PTH1R: variants seen among roughly 807,000 people sequenced by gnomAD.
PTH1R encodes the protein parathyroid hormone/parathyroid hormone-related peptide receptor.
PTH1R carries 32 observed loss-of-function variants against 70.7 expected under a neutral mutation model. The observed-to-expected ratio is 0.45, with a 90% CI of 0.34 to 0.61. PTH1R has a LOEUF of 0.61. Ranked by LOEUF, PTH1R falls within the 20% of genes least tolerant of loss-of-function variation. PTH1R has a pLI of 0.01. For synonymous variants in PTH1R, 329 were observed against 324.8 expected (o/e 1.01, Z -0.14); for missense variants, 626 against 792.5 (o/e 0.79, Z 2.52).
rs150575500 is a variant in PTH1R, at chr3:46,901,525, C to T, written c.1116+45C>T. On this transcript the variant is annotated intron_variant, in intron 12 of 15. Transcript: ENST00000449590. The surrounding 1 kb of genome is among the most constrained non-coding windows in gnomAD (Gnocchi z 7.3). ...TGGCCACAGGGGTGGGTGGGATGTG[C>T]GCCTGCGTCCCCTGGAACCAGCCCC... The T allele has an allele frequency of 4.3e-5, 66 of 1,547,832 alleles. No homozygotes were observed. In the East Asian group the frequency reaches 7.3e-4, roughly 17 times the overall value.
chr3:46,894,109 G>C (rs2031595456), intron 4 of PTH1R, 100 bp downstream of exon 4: 1 of 1,282,990 alleles, frequency 7.8e-7, no homozygotes, highest in Non-Finnish European at 1.1e-6. Flanking sequence ...GGCTCTCTGT[G>C]GGGGCGGACT....
In PTH1R at chr3:46,896,223, G is replaced by GTGACA. The variant is rs551128974; in HGVS notation, c.313+354_313+355insTGACA. ...GACAGATAGTGACAGAGAAAGACGGGGAGAGGCATGGAGACAGAGATCAAC... is the reference window on the plus strand; with the variant it reads ...GACAGATAGTGACAGAGAAAGACGGGTGACAGAGAGGCATGGAGACAGAGATCAAC... On this transcript the variant is annotated intron_variant, in intron 5 of 15. Coordinates refer to ENST00000449590, the MANE Select transcript of PTH1R (RefSeq NM_000316.3). This position sits in a 1 kb window ranked among gnomAD's most constrained non-coding sequence, Gnocchi z 4.1. Among the ~76,000 whole-genome samples, 110 of 152,198 alleles carry GTGACA rather than the reference G, an allele frequency of 7.2e-4. 1 individual carries two copies. In the East Asian group the frequency reaches 0.02, roughly 27 times the overall value.
chr3:46,895,614 T>G, intron 4 of PTH1R, 121 bp from the exon 5 acceptor site: 4 of 1,477,996 alleles, frequency 2.7e-6, no homozygotes, highest in Non-Finnish European at 3.8e-6. Context: ...ACAGCCTAGG[T>G]GTCACCAGGG....
rs1473713874 is a variant in PTH1R at position 46,898,643 on chromosome 3, C to T, written c.639-19C>T. On this transcript the variant is annotated intron_variant, in intron 8 of 15. Coordinates refer to ENST00000449590, the MANE Select transcript of PTH1R (RefSeq NM_000316.3). ...GCGTCCCCGTGCCCCCACCCACGGT[C>T]ATGTCGCGCGCCCCGCAGGCGGCTG... 14 of 1,610,798 alleles carry T rather than the reference C, an allele frequency of 8.7e-6. No individual in the cohort carries two copies. The highest frequency in any genetic ancestry group is 1.2e-5 in the Non-Finnish European group (14 of 1,179,630).
In PTH1R at chr3:46,892,310, A is replaced by G. The variant is rs1019609768; in HGVS notation, c.76-1597A>G. Among the ~76,000 whole-genome samples the G allele has an allele frequency of 3.9e-5, 6 of 152,160 alleles. No homozygotes were observed. Among genetic ancestry groups the G allele is most frequent in the African/African-American group, 1.4e-4 (6 of 41,432 alleles). The stretch of plus-strand genomic sequence containing the variant: ...GAGCTGCCGCCTCACTCACAGACGC[A>G]CACACGCCGCCCTATGCCCAGAAAT... On this transcript the variant is annotated intron_variant, in intron 3 of 15. Coordinates refer to ENST00000449590, the MANE Select transcript of PTH1R (RefSeq NM_000316.3). This position sits in a 1 kb window ranked among gnomAD's most constrained non-coding sequence, Gnocchi z 5.2.
In PTH1R at chr3:46,879,546, C is replaced by A. The variant is rs996829025; in HGVS notation, c.-105-1516C>A. On this transcript the variant is annotated intron_variant, in intron 1 of 15. Coordinates refer to ENST00000449590, the MANE Select transcript of PTH1R (RefSeq NM_000316.3). The surrounding 1 kb of genome is among the most constrained non-coding windows in gnomAD (Gnocchi z 4.7). ...CTGCTTGAGCCCAAGAGTTGGAGACCAGTCTAGGCAACAAAGTGAGACCTC... is the reference window on the plus strand; with the variant it reads ...CTGCTTGAGCCCAAGAGTTGGAGACAAGTCTAGGCAACAAAGTGAGACCTC... Among the ~76,000 whole-genome samples, 1 of 151,984 alleles carries A rather than the reference C, an allele frequency of 6.6e-6. No individual in the cohort carries two copies. Among genetic ancestry groups the A allele is most frequent in the Non-Finnish European group, 1.5e-5 (1 of 68,004 alleles).
rs1439955096 is a variant in PTH1R at position 46,882,412 on chromosome 3, C to T, written c.-48-1100C>T. 3 of 149,998 alleles carry T rather than the reference C, an allele frequency of 2.0e-5. No individual in the cohort carries two copies. The highest frequency in any genetic ancestry group is 3.0e-5 in the Non-Finnish European group (2 of 67,350). The allele number at this position is 149,998 out of a possible 1,614,324, so 9.3% of individuals were successfully genotyped here. On this transcript the variant is annotated intron_variant, in intron 2 of 15. Transcript: ENST00000449590. The surrounding 1 kb of genome is among the most constrained non-coding windows in gnomAD (Gnocchi z 4.3). ...CGGGGCGCTGGCTTGGGGAGGCTGT[C>T]GGGGGGGCCCCGACATCCATGGCAA...
In PTH1R at chr3:46,901,772, T is replaced by G; in HGVS notation, c.1123T>G (p.Phe375Val). The part of the protein sequence containing the change: ...VPILASIVLN[F>V]ILFINIVRVL... ...AGCCCCCTCACTCCCACAGCTCAACTTCATCCTCTTCATCAATATCGTCCG... is the reference window on the plus strand; with the variant it reads ...AGCCCCCTCACTCCCACAGCTCAACGTCATCCTCTTCATCAATATCGTCCG... The change falls in exon 13 of 16, where the codon TTC becomes GTC. Residue 375 changes from phenylalanine (F) to valine (V), a missense_variant. Transcript: ENST00000449590. This position sits in a 1 kb window ranked among gnomAD's most constrained non-coding sequence, Gnocchi z 7.3. The G allele has an allele frequency of 1.2e-6, 2 of 1,613,966 alleles. No individual in the cohort carries two copies. Among genetic ancestry groups the G allele is most frequent in the Non-Finnish European group, 1.7e-6 (2 of 1,179,892 alleles).
intron 9 of PTH1R, 74 bp downstream of exon 9, chr3:46,898,931 C>G (rs1052868136): frequency 1.2e-5 from 13 of 1,116,976 alleles, no homozygotes; most frequent in Middle Eastern, 4.2e-4. Context: ...CCCGCTCCAG[C>G]CCGGCCCTCG....
chr3:46,882,197 A>C lies in PTH1R; in HGVS notation c.-49+1079A>C, dbSNP rs534029713. The C allele has an allele frequency of 3.4e-4, 49 of 145,096 alleles. No individual in the cohort carries two copies. Among genetic ancestry groups the C allele is most frequent in the African/African-American group, 1.2e-3 (46 of 39,466 alleles). The allele number at this position is 145,096 out of a possible 1,614,324, so 9.0% of individuals were successfully genotyped here. ...CGGCTGCGGAGGGGGTGGGGGCGGG[A>C]GAGGCCCGGGAGGGCGCGGGGGAGG... On this transcript the variant is annotated intron_variant, in intron 2 of 15. Coordinates refer to ENST00000449590, the MANE Select transcript of PTH1R (RefSeq NM_000316.3). The surrounding 1 kb of genome is among the most constrained non-coding windows in gnomAD (Gnocchi z 4.3).
chr3:46,902,793 A>G lies in PTH1R; in HGVS notation c.1395+3A>G, dbSNP rs754212591. The G allele has an allele frequency of 1.2e-6, 2 of 1,613,634 alleles. No individual in the cohort carries two copies. Among genetic ancestry groups the G allele is most frequent in the Non-Finnish European group, 1.7e-6 (2 of 1,179,996 alleles). On this transcript the variant is annotated splice_donor_region_variant and intron_variant, in intron 15 of 15. Coordinates refer to ENST00000449590, the MANE Select transcript of PTH1R (RefSeq NM_000316.3). This position sits in a 1 kb window ranked among gnomAD's most constrained non-coding sequence, Gnocchi z 5.4. ...TATACTGTTTCTGCAATGGCGAGGT[A>G]AGCAGGAGACAGTGTTGGCATAGGG... is the stretch of plus-strand genomic sequence containing the variant.
Position 46,898,565 on chromosome 3 carries a change from C to T in PTH1R, c.638+93C>T, listed in dbSNP as rs549353111. 9.4e-6 allele frequency: 15 copies of T among 1,598,262 alleles called. No homozygotes were observed. The African/African-American group carries it at 1.6e-4, about 17-fold the overall frequency. ...ACCCCCTCCCTGCACCCATCACCCC[C>T]GGCGGGTGTCCCTACCTACGGCGCA... On this transcript the variant is annotated intron_variant, in intron 8 of 15. Coordinates refer to ENST00000449590, the MANE Select transcript of PTH1R (RefSeq NM_000316.3).
chr3:46,880,538 G>A lies in PTH1R; in HGVS notation c.-105-524G>A, dbSNP rs187559735. 3.3e-5 allele frequency among the ~76,000 whole-genome samples: 5 copies of A among 152,244 alleles called. No homozygotes were observed. In the East Asian group the frequency reaches 9.7e-4, roughly 29 times the overall value. On this transcript the variant is annotated intron_variant, in intron 1 of 15. Coordinates refer to ENST00000449590, the MANE Select transcript of PTH1R (RefSeq NM_000316.3). ...GTGGATCACTTGAGGTCAGGGGTTC[G>A]TGACCAGCCTGGTCAACATGGTGAA...
chr3:46,901,620 C>T lies in PTH1R; in HGVS notation c.1116+140C>T, dbSNP rs937814197. ...ACAGAGGCCGGAGGACCAGCTGATC[C>T]ACACTCCAGCCCAGAAAGGAAAACC... On this transcript the variant is annotated intron_variant, in intron 12 of 15. Transcript: ENST00000449590. This position sits in a 1 kb window ranked among gnomAD's most constrained non-coding sequence, Gnocchi z 7.3. The T allele has an allele frequency of 6.7e-6, 9 of 1,333,864 alleles. No homozygotes were observed. The highest frequency in any genetic ancestry group is 1.5e-5 in the African/African-American group (1 of 68,488). 82.6% of individuals were successfully genotyped at this position (1,333,864 alleles called of 1,614,324 possible).
chr3:46,892,754 C>T lies in PTH1R; in HGVS notation c.76-1153C>T, dbSNP rs1048908884. The stretch of plus-strand genomic sequence containing the variant: ...TGCTCGGACTGCAGGGCCCCGGCCC[C>T]GCCTTGGCGCGTCTGAAGGATGCAG... On this transcript the variant is annotated intron_variant, in intron 3 of 15. Transcript: ENST00000449590. The surrounding 1 kb of genome is among the most constrained non-coding windows in gnomAD (Gnocchi z 5.2). 6.1e-6 allele frequency: 6 copies of T among 985,738 alleles called. No individual in the cohort carries two copies. Among genetic ancestry groups the T allele is most frequent in the South Asian group, 4.7e-5 (1 of 21,298 alleles). The allele number at this position is 985,738 out of a possible 1,614,324, so 61.1% of individuals were successfully genotyped here.
In PTH1R at chr3:46,898,652, C is replaced by G. The variant is rs775083243; in HGVS notation, c.639-10C>G. On this transcript the variant is annotated splice_polypyrimidine_tract_variant and intron_variant, in intron 8 of 15. Coordinates refer to ENST00000449590, the MANE Select transcript of PTH1R (RefSeq NM_000316.3). ...TGCCCCCACCCACGGTCATGTCGCGCGCCCCGCAGGCGGCTGCACTGCACG... is the reference window on the plus strand; with the variant it reads ...TGCCCCCACCCACGGTCATGTCGCGGGCCCCGCAGGCGGCTGCACTGCACG... 1 of 1,611,394 alleles carries G rather than the reference C, an allele frequency of 6.2e-7. No homozygotes were observed. The highest frequency in any genetic ancestry group is 2.2e-5 in the East Asian group (1 of 44,876).
chr3:46,901,508 G>A lies in PTH1R; in HGVS notation c.1116+28G>A. The A allele has an allele frequency of 6.4e-7, 1 of 1,554,610 alleles. No homozygotes were observed. Among genetic ancestry groups the A allele is most frequent in the Non-Finnish European group, 8.7e-7 (1 of 1,148,468 alleles). On this transcript the variant is annotated intron_variant, in intron 12 of 15. Coordinates refer to ENST00000449590, the MANE Select transcript of PTH1R (RefSeq NM_000316.3). This position sits in a 1 kb window ranked among gnomAD's most constrained non-coding sequence, Gnocchi z 7.3. Reference sequence around the variant, plus strand: ...GAGCAGGGGTGGGCTGCTGGCCACAGGGGTGGGTGGGATGTGCGCCTGCGT... The same window carrying A: ...GAGCAGGGGTGGGCTGCTGGCCACAAGGGTGGGTGGGATGTGCGCCTGCGT...
intron 1 of PTH1R, among the ~76,000 whole-genome samples, chr3:46,878,267 G>A (rs2030351123): frequency 6.6e-6 from 1 of 152,240 alleles, no homozygotes; most frequent in African/African-American, 2.4e-5. Context: ...CGAAATGGCT[G>A]TAAAAGTGGC....
At chr3:46,888,745 C>T (rs2031197479) in intron 3 of PTH1R, among the ~76,000 whole-genome samples, 1 of 152,204 alleles carries the variant, frequency 6.6e-6, no homozygotes, top group African/African-American at 2.4e-5. Flanking sequence ...CCATACTGTT[C>T]TTCTGGGCCT....
Sources: gnomAD v4.1 joint callset for allele counts (sites outside exome capture counted in the v4.1 genomes callset) on GRCh38, gnomAD v4.1.1 for gene constraint, Gnocchi (gnomAD v3.1) non-coding constraint, MANE v1.5 for transcripts, NCBI Gene and HGNC (gene_info 2026-07-23, HGNC 2026-07-21) for gene names.